ZMYM2: variants seen among roughly 807,000 people sequenced by gnomAD.
ZMYM2 encodes zinc finger MYM-type protein 2.
In ZMYM2, 56 loss-of-function variants were observed where a neutral mutation model predicts 162.8. The ratio of observed to expected loss-of-function variants is 0.34; its 90% confidence interval spans 0.28 to 0.43. The LOEUF (loss-of-function observed/expected upper bound fraction) is 0.43. Among genes scored for constraint, ZMYM2 ranks in the 20% least tolerant of loss-of-function variants. The probability of loss-of-function intolerance (pLI) is 1.00; values close to 1 mark genes in which losing one functional copy is unlikely to be tolerated. For missense variants in ZMYM2, 1,275 were observed against 1,621.8 expected (o/e 0.79, Z 3.67); for synonymous variants, 510 against 541.6 (o/e 0.94, Z 0.81).
At chr13:19,991,054 GTGTGTGTGTGTACGTATGTATTTTC>G (rs58379186) in intron 2 of ZMYM2, among the ~76,000 whole-genome samples, 11,945 of 140,066 alleles carry the variant, frequency 0.085, 564 homozygotes, top group South Asian at 0.19. Flanking sequence ...CTCTCTGTGT[GTGTGTGTGTGTACGTATGTATTTTC>G]TGTGTGTGTG....
the ZMYM2 span, among the ~76,000 whole-genome samples, chr13:19,939,134 G>T: frequency 3.4e-5 from 5 of 148,476 alleles, no homozygotes; most frequent in East Asian, 1.0e-3. Flanking sequence ...AGTGATTCTC[G>T]TGCCTCAGGC....
At chr13:20,035,734 T>C (rs1045532223) in intron 11 of ZMYM2, among the ~76,000 whole-genome samples, 3 of 152,194 alleles carry the variant, frequency 2.0e-5, no homozygotes, top group African/African-American at 7.2e-5. Flanking sequence ...GTGTGGGTTT[T>C]TTTCCTGTTA....
chr13:20,081,984 G>A, intron 21 of ZMYM2, 32 bp from the exon 22 acceptor site: 1 of 1,377,162 alleles, frequency 7.3e-7, no homozygotes. Context: ...TTTCTTTCAA[G>A]AAAGTTTGTG....
chr13:19,957,203 G>A (rs534767536), upstream of ZMYM2, among the ~76,000 whole-genome samples: 77 of 151,778 alleles, frequency 5.1e-4, no homozygotes, highest in Non-Finnish European at 9.6e-4. Flanking sequence ...TGTAAGTTGC[G>A]TCTATTAGTT....
the ZMYM2 span, among the ~76,000 whole-genome samples, chr13:19,941,201 T>A: frequency 6.6e-6 from 1 of 151,634 alleles, no homozygotes; most frequent in Non-Finnish European, 1.5e-5. Flanking sequence ...CCCAGCTACT[T>A]GGGAGGGTGA....
rs1460038608 is a variant in ZMYM2, at chr13:19,993,869, T to C, written c.797T>C (p.Val266Ala). Reference sequence around the variant, plus strand: ...CCTTTTAATCCTGGTAGAATGAATGTGGCAGGAGACGTTTTTCAGAATGGA... The same window carrying C: ...CCTTTTAATCCTGGTAGAATGAATGCGGCAGGAGACGTTTTTCAGAATGGA... ...VGPFNPGRMN[V>A]AGDVFQNGES... Residue 266 changes from valine (V) to alanine (A), a missense_variant, in exon 3 of 25, where the codon GTG becomes GCG. Val to Ala is a moderately conservative substitution (Grantham distance 64). This residue lies in a region of ZMYM2 where 115 missense variants were observed against 175.3 expected (regional missense o/e 0.66). Coordinates refer to ENST00000610343, the MANE Select transcript of ZMYM2 (RefSeq NM_197968.4). 9.3e-6 allele frequency: 15 copies of C among 1,613,810 alleles called. No homozygotes were observed. The highest frequency in any genetic ancestry group is 1.7e-5 in the Admixed American group (1 of 59,976).
At chr13:20,041,438 G>A (rs991775124) in intron 12 of ZMYM2, among the ~76,000 whole-genome samples, 3 of 152,122 alleles carry the variant, frequency 2.0e-5, no homozygotes, top group Non-Finnish European at 2.9e-5. Context: ...TTGAGCCTAT[G>A]TGTGTCATTG....
chr13:20,009,586 T>C (rs908771713), intron 6 of ZMYM2, among the ~76,000 whole-genome samples: 1 of 152,226 alleles, frequency 6.6e-6, no homozygotes, highest in African/African-American at 2.4e-5. Flanking sequence ...TCCCAGTCCT[T>C]GGTAACTTAG....
At chr13:20,002,757 A>C in intron 3 of ZMYM2, 93 bp from the exon 4 acceptor site, 1 of 1,468,406 alleles carries the variant, frequency 6.8e-7, no homozygotes, top group African/African-American at 1.4e-5. Context: ...AAAATTGTAC[A>C]AAATGGGAAG....
At chr13:19,914,271 T>C in the ZMYM2 span, among the ~76,000 whole-genome samples, 1 of 152,054 alleles carries the variant, frequency 6.6e-6, no homozygotes, top group Non-Finnish European at 1.5e-5. Flanking sequence ...AGCAGAGGAG[T>C]ATTTTAATAA....
At chr13:19,960,863 T>C (rs1379276411) in intron 2 of ZMYM2, among the ~76,000 whole-genome samples, 1 of 152,248 alleles carries the variant, frequency 6.6e-6, no homozygotes, top group Non-Finnish European at 1.5e-5. Flanking sequence ...TGGTAACTTG[T>C]AGATCTCTGT....
At chr13:20,019,752 G>T (rs756061941) in intron 7 of ZMYM2, 134 bp downstream of exon 7, 2 of 766,612 alleles carry the variant, frequency 2.6e-6, no homozygotes, top group Non-Finnish European at 4.3e-6. Context: ...TGTATCAAAT[G>T]ATGAATGTTT....
chr13:20,040,165 C>A (rs1954115265), intron 12 of ZMYM2, among the ~76,000 whole-genome samples: 1 of 152,180 alleles, frequency 6.6e-6, no homozygotes, highest in Non-Finnish European at 1.5e-5. Flanking sequence ...AGGAATGATA[C>A]CAGCTCTTCT....
At chr13:19,999,130 T>G (rs1950216331) in intron 3 of ZMYM2, among the ~76,000 whole-genome samples, 1 of 152,202 alleles carries the variant, frequency 6.6e-6, no homozygotes, top group Non-Finnish European at 1.5e-5. Context: ...TTACCACACC[T>G]CAGTACTGTG....
rs1216139961 is a variant in ZMYM2, at chr13:20,034,354, T to A, written c.2069T>A (p.Leu690His). ...YCEYCQEEKT[L>H]HETVNFSGVK... ...GAATACTGTCAAGAGGAGAAGACTC[T>A]TCATGAAACAGTAAATTTCTCTGGC... Residue 690 changes from leucine to histidine, a missense_variant, in exon 11 of 25, where the codon CTT becomes CAT. Leu to His is a moderately conservative substitution (Grantham distance 99). Transcript: ENST00000610343. 6.2e-7 allele frequency: 1 copy of A among 1,609,506 alleles called. No homozygotes were observed. Among genetic ancestry groups the A allele is most frequent in the Non-Finnish European group, 8.5e-7 (1 of 1,178,426 alleles).
chr13:19,993,742 A>G lies in ZMYM2; in HGVS notation c.670A>G (p.Asn224Asp). ...ACATGTAACATCACTGCAGAATACC[A>G]ACTTGGGAGATGTCTCTAACGGACT... ...ITHVTSLQNT[N>D]LGDVSNGLQS... Residue 224 changes from asparagine (N) to aspartate (D), a missense_variant, in exon 3 of 25, where the codon AAC becomes GAC. By Grantham distance (23) the Asn-to-Asp change is conservative. Around this residue, in one of 10 missense-constraint regions of ZMYM2, gnomAD observed 295 missense variants for 286.7 expected, o/e 1.03. Transcript: ENST00000610343. The G allele has an allele frequency of 6.2e-7, 1 of 1,614,102 alleles. No homozygotes were observed. Among genetic ancestry groups the G allele is most frequent in the Non-Finnish European group, 8.5e-7 (1 of 1,179,950 alleles).
the ZMYM2 span, among the ~76,000 whole-genome samples, chr13:19,883,469 G>A: frequency 6.6e-6 from 1 of 152,138 alleles, no homozygotes; most frequent in East Asian, 1.9e-4. Context: ...ATATCTGACA[G>A]AGAATTAGAC....
chr13:19,987,620 CGTGTGTGTGTGTGTGT>C (rs756005409), intron 2 of ZMYM2, among the ~76,000 whole-genome samples: 3 of 121,300 alleles, frequency 2.5e-5, no homozygotes, highest in Non-Finnish European at 3.3e-5. Flanking sequence ...GGGGTTTTGT[CGTGTGTGTGTGTGTGT>C]GTGTGTGTGT....
At chr13:20,069,411 C>G (rs1956914516) in intron 21 of ZMYM2, among the ~76,000 whole-genome samples, 1 of 122,696 alleles carries the variant, frequency 8.2e-6, no homozygotes, top group Non-Finnish European at 1.9e-5. Flanking sequence ...TACGATGCAC[C>G]CTTTAGGGTT....
Sources: gnomAD v4.1 joint callset for allele counts (sites outside exome capture counted in the v4.1 genomes callset) on GRCh38, gnomAD v4.1.1 for gene constraint, gnomAD v4.1.1 regional missense constraint, MANE v1.5 for transcripts, NCBI Gene and HGNC (gene_info 2026-07-23, HGNC 2026-07-21) for gene names.